The following RPUSD1 variants were observed in gnomAD, a reference collection of about 807,000 sequenced individuals.
RPUSD1 encodes pseudouridylate synthase RPUSD1.
RPUSD1 carries 28 observed loss-of-function variants against 22.4 expected under a neutral mutation model. The ratio of observed to expected loss-of-function variants is 1.25; its 90% CI spans 0.93 to 1.72. The LOEUF is 1.72. Among genes scored for constraint, RPUSD1 ranks in the 40% most tolerant of loss-of-function variants. RPUSD1 has a pLI of 0.00. For synonymous variants in RPUSD1, 298 were observed against 201.0 expected (o/e 1.48, Z -4.08); for missense variants, 596 against 442.2 (o/e 1.35, Z -3.12).
intron 5 of RPUSD1, 156 bp downstream of exon 5, chr16:786,671 G>T: frequency 1.3e-6 from 1 of 763,164 alleles, no homozygotes; most frequent in Non-Finnish European, 2.3e-6. Flanking sequence ...TGTGTCAGGT[G>T]AGAAGCTGAG....
At chr16:787,767 G>C (rs1456252318) in intron 1 of RPUSD1, 23 bp from the exon 2 acceptor site, 25 of 1,600,724 alleles carry the variant, frequency 1.6e-5, no homozygotes, top group East Asian at 2.2e-5. Context: ...GCGTGGGTGC[G>C]TGTGCTGTGA....
Position 787,490 on chromosome 16 carries a change from A to G in RPUSD1, c.183-13T>C. 1 of 1,589,412 alleles carries G rather than the reference A, an allele frequency of 6.3e-7. No homozygotes were observed. Among genetic ancestry groups the G allele is most frequent in the Non-Finnish European group, 8.6e-7 (1 of 1,168,212 alleles). On this transcript the variant is annotated splice_polypyrimidine_tract_variant and intron_variant, in intron 2 of 5. Coordinates refer to ENST00000007264, the MANE Select transcript of RPUSD1 (RefSeq NM_058192.3). ...CTGGTGGCAGAACCTGGAGTGGGAC[A>G]GAGTCCAGAGTCTGAGCCACTTTCC...
Position 786,246 on chromosome 16 carries a change from T to C in RPUSD1, c.643A>G (p.Ile215Val). 3.1e-6 allele frequency: 5 copies of C among 1,612,738 alleles called. No homozygotes were observed. Among genetic ancestry groups the C allele is most frequent in the South Asian group, 1.1e-5 (1 of 91,092 alleles). Residue 215 changes from isoleucine (I) to valine (V), a missense_variant, in exon 6 of 6, where the codon ATC becomes GTC. By Grantham distance (29) the Ile-to-Val change is conservative (BLOSUM62 3). Coordinates refer to ENST00000007264, the MANE Select transcript of RPUSD1 (RefSeq NM_058192.3). ...RMMLHAFYLR[I>V]PTDTECVEVC... ...TCCACACACTCGGTGTCCGTGGGGA[T>C]GCGCAGGTAGAAAGCGTGCAGCATC... is the stretch of plus-strand genomic sequence containing the variant.
In RPUSD1 at chr16:786,367, G is replaced by T; in HGVS notation, c.522C>A (p.His174Gln). ...GGGCACTGCAGTGCACGCGCAGCTG[G>T]TGTGTCCGGCCTGCGGGATGAGGGC... ...VLLKPLTGRT[H>Q]QLRVHCSALG... is the part of the protein sequence containing the mutation. Residue 174 changes from histidine (H) to glutamine (Q), a missense_variant, in exon 6 of 6, where the codon CAC becomes CAA. Physicochemically the swap from His to Gln is conservative, Grantham distance 24. Coordinates refer to ENST00000007264, the MANE Select transcript of RPUSD1 (RefSeq NM_058192.3). 6.2e-7 allele frequency: 1 copy of T among 1,606,290 alleles called. No individual in the cohort carries two copies. The highest frequency in any genetic ancestry group is 8.5e-7 in the Non-Finnish European group (1 of 1,175,572).
Position 787,734 on chromosome 16 carries a change from C to T in RPUSD1, c.4G>A (p.Glu2Lys). Residue 2 changes from glutamate (E) to lysine (K), a missense_variant, in exon 2 of 6, where the codon GAG (glutamate) becomes AAG (lysine). Physicochemically the swap from Glu to Lys is moderately conservative, Grantham distance 56. Coordinates refer to ENST00000007264, the MANE Select transcript of RPUSD1 (RefSeq NM_058192.3). M[E>K]PGSVENLSIV... ...GACAGGTTCTCCACGCTGCCTGGCTCCATGGCCGGCCTGCCGAGCCACGCG... is the reference window on the plus strand; with the variant it reads ...GACAGGTTCTCCACGCTGCCTGGCTTCATGGCCGGCCTGCCGAGCCACGCG... 6.2e-7 allele frequency: 1 copy of T among 1,608,380 alleles called. No individual in the cohort carries two copies. Among genetic ancestry groups the T allele is most frequent in the Middle Eastern group, 1.7e-4 (1 of 6,056 alleles).
At chr16:787,789 GCC>G in intron 1 of RPUSD1, 45 bp from the exon 2 acceptor site, 1 of 1,579,880 alleles carries the variant, frequency 6.3e-7, no homozygotes, top group Non-Finnish European at 8.6e-7. Context: ...CACGTGGTGC[GCC>G]CCCAGCCCAG....
chr16:786,671 G>A (rs1163746241), intron 5 of RPUSD1, 156 bp downstream of exon 5: 1 of 763,164 alleles, frequency 1.3e-6, no homozygotes, highest in South Asian at 1.4e-5. Context: ...TGTGTCAGGT[G>A]AGAAGCTGAG....
chr16:785,511 A>C lies in RPUSD1; in HGVS notation c.*439T>G. 3.1e-5 allele frequency: 5 copies of C among 159,588 alleles called. No individual in the cohort carries two copies. Among genetic ancestry groups the C allele is most frequent in the Non-Finnish European group, 5.5e-5 (4 of 73,200 alleles). The allele number at this position is 159,588 out of a possible 1,614,324, so 9.9% of individuals were successfully genotyped here. A position where few individuals can be genotyped will look rare whatever the true frequency, so the allele number is the denominator to read the frequency against. On this transcript the variant is annotated 3_prime_UTR_variant, in exon 6 of 6. Transcript: ENST00000007264. ...GCCCTTCCCAGCCCCTCTAGAGGGTAGGTTGGGGGCAGTAGCTCACCAGGC... is the reference window on the plus strand; with the variant it reads ...GCCCTTCCCAGCCCCTCTAGAGGGTCGGTTGGGGGCAGTAGCTCACCAGGC...
At chr16:786,424 C>G (rs763334254) in intron 5 of RPUSD1, 47 bp from the exon 6 acceptor site, 3 of 1,555,994 alleles carry the variant, frequency 1.9e-6, no homozygotes. Flanking sequence ...CGGGGCCGAT[C>G]CACACCTATC....
chr16:787,035 C>T lies in RPUSD1; in HGVS notation c.409+42G>A, dbSNP rs113647401. 4 of 1,594,888 alleles carry T rather than the reference C, an allele frequency of 2.5e-6. No individual in the cohort carries two copies. In the African/African-American group the frequency reaches 4.1e-5, roughly 16 times the overall value. On this transcript the variant is annotated intron_variant, in intron 4 of 5. Transcript: ENST00000007264. ...GGGTCCCTGCCTGCCCAGGCCCACC[C>T]CAACCCACGATGCCCGCCCGGTGGG...
chr16:787,121 C>A lies in RPUSD1; in HGVS notation c.365G>T (p.Ser122Ile). Residue 122 changes from serine (S) to isoleucine (I), a missense_variant, in exon 4 of 6, where the codon AGC becomes ATC. Ser to Ile is a moderately radical substitution (Grantham distance 142). Coordinates refer to ENST00000007264, the MANE Select transcript of RPUSD1 (RefSeq NM_058192.3). ...VTISHAIGRN[S>I]TEGRAHTMCI... The stretch of plus-strand genomic sequence containing the variant: ...CATGGTGTGGGCCCGGCCCTCCGTG[C>A]TGTTCCTGCCAATGGCATGGCTGAT... 6.2e-7 allele frequency: 1 copy of A among 1,607,782 alleles called. No homozygotes were observed. The highest frequency in any genetic ancestry group is 1.7e-5 in the Admixed American group (1 of 59,904).
At position 787,336 on chromosome 16, in the gene RPUSD1, G is replaced by C. The variant is rs756729624; in HGVS notation, c.306+18C>G. The C allele has an allele frequency of 6.3e-7, 1 of 1,576,416 alleles. No homozygotes were observed. Among genetic ancestry groups the C allele is most frequent in the Admixed American group, 1.8e-5 (1 of 56,142 alleles). On this transcript the variant is annotated intron_variant, in intron 3 of 5. Coordinates refer to ENST00000007264, the MANE Select transcript of RPUSD1 (RefSeq NM_058192.3). ...TCCTGAGTCCCCACGCCCCACCCCAGGACTGACCAGGTCTTACCAATGCCA... is the reference window on the plus strand; with the variant it reads ...TCCTGAGTCCCCACGCCCCACCCCACGACTGACCAGGTCTTACCAATGCCA...
At position 786,113 on chromosome 16, in the gene RPUSD1, T is replaced by C. The variant is rs761682100; in HGVS notation, c.776A>G (p.Asp259Gly). Residue 259 changes from aspartate (D) to glycine (G), a missense_variant, in exon 6 of 6, where the codon GAC becomes GGC. Coordinates refer to ENST00000007264, the MANE Select transcript of RPUSD1 (RefSeq NM_058192.3). ...GGGGCCCCTATCCTCGGGGTCAGGG[T>C]CGGGGGTGGCCCGTAAGGCCTGCAC... ...QLVQALRATP[D>G]PDPEDRGPRP... 1.3e-6 allele frequency: 2 copies of C among 1,594,612 alleles called. No individual in the cohort carries two copies. The highest frequency in any genetic ancestry group is 2.2e-5 in the South Asian group (2 of 90,320).
In RPUSD1 at chr16:786,244, G is replaced by C; in HGVS notation, c.645C>G (p.Ile215Met). 6.2e-7 allele frequency: 1 copy of C among 1,612,784 alleles called. No homozygotes were observed. Among genetic ancestry groups the C allele is most frequent in the Non-Finnish European group, 8.5e-7 (1 of 1,179,946 alleles). Reference protein sequence around the residue: ...RMMLHAFYLRIPTDTECVEVC... With the variant: ...RMMLHAFYLRMPTDTECVEVC... ...CCTCCACACACTCGGTGTCCGTGGGGATGCGCAGGTAGAAAGCGTGCAGCA... is the reference window on the plus strand; with the variant it reads ...CCTCCACACACTCGGTGTCCGTGGGCATGCGCAGGTAGAAAGCGTGCAGCA... Residue 215 changes from isoleucine (I) to methionine (M), a missense_variant, in exon 6 of 6, where the codon ATC becomes ATG. By Grantham distance (10) the Ile-to-Met change is conservative (BLOSUM62 1). Coordinates refer to ENST00000007264, the MANE Select transcript of RPUSD1 (RefSeq NM_058192.3).
intron 4 of RPUSD1, 59 bp from the exon 5 acceptor site, chr16:786,987 C>A: frequency 6.4e-7 from 1 of 1,567,942 alleles, no homozygotes; most frequent in East Asian, 2.3e-5. Context: ...CAGGCCCACC[C>A]CAACGCACGA....
At chr16:787,981 C>T (rs1003736480) in intron 1 of RPUSD1, 3 of 584,282 alleles carry the variant, frequency 5.1e-6, no homozygotes, top group African/African-American at 1.9e-5. Flanking sequence ...TGACCTAAGC[C>T]TGGAGAAAGA....
In RPUSD1 at chr16:787,072, C is replaced by T; in HGVS notation, c.409+5G>A. 6.2e-7 allele frequency: 1 copy of T among 1,603,734 alleles called. No individual in the cohort carries two copies. The highest frequency in any genetic ancestry group is 1.3e-5 in the African/African-American group (1 of 74,710). ...GCCCGCCCGGTGGGTCCCTGCCTGC[C>T]ACACCCTGCGAGCCCTCGATGCACA... On this transcript the variant is annotated splice_donor_5th_base_variant and intron_variant, in intron 4 of 5. Coordinates refer to ENST00000007264, the MANE Select transcript of RPUSD1 (RefSeq NM_058192.3).
chr16:787,961 G>C (rs1420501717), intron 1 of RPUSD1: 2 of 597,270 alleles, frequency 3.3e-6, no homozygotes, highest in Admixed American at 6.0e-5. Context: ...CTGACCTGAA[G>C]GGCCCTGCCT....
rs1567375066 is a variant in RPUSD1, at chr16:786,095, C to A, written c.794G>T (p.Arg265Met). 1 of 1,579,980 alleles carries A rather than the reference C, an allele frequency of 6.3e-7. No homozygotes were observed. The highest frequency in any genetic ancestry group is 1.1e-5 in the South Asian group (1 of 88,258). ...RATPDPDPEDRGPRPGSPSAL... is the reference protein window; with the variant it reads ...RATPDPDPEDMGPRPGSPSAL... ...GGAGGGGCTGCCTGGCCTGGGGCCC[C>A]TATCCTCGGGGTCAGGGTCGGGGGT... Residue 265 changes from arginine to methionine, a missense_variant, in exon 6 of 6, where the codon AGG becomes ATG. Transcript: ENST00000007264.
Sources: gnomAD v4.1 joint callset for allele counts on GRCh38, gnomAD v4.1.1 for gene constraint, MANE v1.5 for transcripts, NCBI Gene and HGNC (gene_info 2026-07-23, HGNC 2026-07-21) for gene names.